Variants in PRR27 observed in about 807,000 individuals in gnomAD.
PRR27 encodes proline-rich protein 27.
PRR27 carries 12 observed loss-of-function variants against 16.8 expected under a neutral mutation model. That is an observed-to-expected ratio of 0.71 (90% CI 0.46 to 1.16). The LOEUF (loss-of-function observed/expected upper bound fraction) is 1.16, where lower values mean the gene tolerates loss of function less well. PRR27 is among the 50% of genes most tolerant of loss of function. The probability of loss-of-function intolerance (pLI) is 0.00; values close to 1 mark genes in which losing one functional copy is unlikely to be tolerated. For missense variants in PRR27, 277 were observed against 273.3 expected, an observed-to-expected ratio of 1.01 and a Z score of -0.10; for synonymous variants, 100 against 98.4, an observed-to-expected ratio of 1.02 and a Z score of -0.10.
chr4:70,154,312 A>G lies in PRR27; in HGVS notation c.-64A>G. ...CTAAAAGAAGAAAAATATAATTTAA[A>G]AATACATTGCGTATTTTCTAAAACA... On this transcript the variant is annotated 5_prime_UTR_variant, in exon 1 of 5. Transcript: ENST00000344526. 7.7e-7 allele frequency: 1 copy of G among 1,302,092 alleles called. No individual in the cohort carries two copies. 80.7% of individuals were successfully genotyped at this position (1,302,092 alleles called of 1,614,324 possible).
At chr4:70,155,762 A>T (rs1728462457) in intron 1 of PRR27, among the ~76,000 whole-genome samples, 1 of 152,148 alleles carries the variant, frequency 6.6e-6, no homozygotes, top group African/African-American at 2.4e-5. Context: ...AATCAGATAT[A>T]TGAATGAGAG....
At position 70,158,876 on chromosome 4, in the gene PRR27, T is replaced by C. The variant is rs1728565376; in HGVS notation, c.624T>C (p.Pro208=). The C allele has an allele frequency of 6.2e-7, 1 of 1,603,628 alleles. No homozygotes were observed. The change falls in exon 3 of 5, where the codon CCT becomes CCC. Residue 208 remains proline (P), a synonymous_variant. Transcript: ENST00000344526. ...CAGCCAAGCCTGCTGCCCCAGAACC[T>C]CACCCTTCTCCCTCTCTTGAACAGG... ...PATAKPAAPE[P]HPSPSLEQAN...
chr4:70,161,179 T>TATATATATATACAC (rs527588905), intron 3 of PRR27, among the ~76,000 whole-genome samples: 4 of 107,702 alleles, frequency 3.7e-5, no homozygotes, highest in South Asian at 2.9e-4. Flanking sequence ...TATATATATA[T>TATATATATATACAC]ACACACATAC....
chr4:70,165,447 T>G lies in PRR27; in HGVS notation c.*2786T>G, dbSNP rs1018373853. 19 of 152,126 alleles carry G rather than the reference T, an allele frequency of 1.2e-4. No homozygotes were observed. The highest frequency in any genetic ancestry group is 4.6e-4 in the African/African-American group (19 of 41,454). 9.4% of individuals were successfully genotyped at this position (152,126 alleles called of 1,614,324 possible). On this transcript the variant is annotated 3_prime_UTR_variant, in exon 5 of 5. Coordinates refer to ENST00000344526, the MANE Select transcript of PRR27 (RefSeq NM_214711.4). ...ACTGCATGTATTGTTTAATGTCGCT[T>G]TATGAATCCACCTTCTTCCTTATCT...
chr4:70,154,274 C>G lies in PRR27; in HGVS notation c.-102C>G, dbSNP rs1728426356. 1.0e-6 allele frequency: 1 copy of G among 992,436 alleles called. No homozygotes were observed. Among genetic ancestry groups the G allele is most frequent in the Non-Finnish European group, 1.5e-6 (1 of 655,820 alleles). 61.5% of individuals were successfully genotyped at this position (992,436 alleles called of 1,614,324 possible). A position where few individuals can be genotyped will look rare whatever the true frequency, so the allele number is the denominator to read the frequency against. On this transcript the variant is annotated 5_prime_UTR_variant, in exon 1 of 5. Coordinates refer to ENST00000344526, the MANE Select transcript of PRR27 (RefSeq NM_214711.4). ...AGACAGACTAAAAAAGCCATGTATT[C>G]TTTCGTTTCTCTCTAAAAGAAGAAA...
At chr4:70,160,474 T>TGTG (rs1553902854) in intron 3 of PRR27, among the ~76,000 whole-genome samples, 2 of 149,780 alleles carry the variant, frequency 1.3e-5, no homozygotes, top group Admixed American at 6.7e-5. Context: ...TGTGTGTGTG[T>TGTG]TTTCCCTTGC....
chr4:70,155,400 C>T (rs1728451758), intron 1 of PRR27, among the ~76,000 whole-genome samples: 1 of 150,724 alleles, frequency 6.6e-6, no homozygotes, highest in Admixed American at 6.6e-5. Flanking sequence ...GAGTCTCGCT[C>T]TGTAGCCAGG....
chr4:70,154,284 T>G lies in PRR27; in HGVS notation c.-92T>G. On this transcript the variant is annotated 5_prime_UTR_variant, in exon 1 of 5. Coordinates refer to ENST00000344526, the MANE Select transcript of PRR27 (RefSeq NM_214711.4). Reference sequence around the variant, plus strand: ...AAAAAGCCATGTATTCTTTCGTTTCTCTCTAAAAGAAGAAAAATATAATTT... The same window carrying G: ...AAAAAGCCATGTATTCTTTCGTTTCGCTCTAAAAGAAGAAAAATATAATTT... The G allele has an allele frequency of 9.1e-7, 1 of 1,095,208 alleles. No homozygotes were observed. The highest frequency in any genetic ancestry group is 1.4e-5 in the South Asian group (1 of 71,690). 67.8% of individuals were successfully genotyped at this position (1,095,208 alleles called of 1,614,324 possible). A position where few individuals can be genotyped will look rare whatever the true frequency, so the allele number is the denominator to read the frequency against.
In PRR27 at chr4:70,158,868, C is replaced by G; in HGVS notation, c.616C>G (p.Pro206Ala). 1 of 1,613,986 alleles carries G rather than the reference C, an allele frequency of 6.2e-7. No individual in the cohort carries two copies. The highest frequency in any genetic ancestry group is 8.5e-7 in the Non-Finnish European group (1 of 1,179,974). Residue 206 changes from proline (P) to alanine (A), a missense_variant, in exon 3 of 5, where the codon CCA becomes GCA. Pro to Ala is a conservative substitution (Grantham distance 27). Transcript: ENST00000344526. ...AEPATAKPAA[P>A]EPHPSPSLEQ... ...GCCTGCTACAGCCAAGCCTGCTGCCCCAGAACCTCACCCTTCTCCCTCTCT... is the reference window on the plus strand; with the variant it reads ...GCCTGCTACAGCCAAGCCTGCTGCCGCAGAACCTCACCCTTCTCCCTCTCT...
In PRR27 at chr4:70,160,443, C is replaced by CTCTCTCTCTCTGTGTGTGTGTGTG. The variant is rs1298386504; in HGVS notation, c.649-1142_649-1141insCTCTCTCTCTGTGTGTGTGTGTGT. 3.7e-3 allele frequency among the ~76,000 whole-genome samples: 252 copies of CTCTCTCTCTCTGTGTGTGTGTGTG among 68,654 alleles called. 1 individual carries two copies. The highest frequency in any genetic ancestry group is 0.014 in the Middle Eastern group (1 of 72). The allele number at this position is 68,654 out of a possible 152,430, so 45.0% of individuals were successfully genotyped here. ...TCTCTCTCTCTCTCTCTCTCTCTCT[C>CTCTCTCTCTCTGTGTGTGTGTGTG]TGTGTGTGTGTGTGTGTGTGTGTGT... On this transcript the variant is annotated intron_variant, in intron 3 of 4. Transcript: ENST00000344526.
intron 1 of PRR27, 28 bp downstream of exon 1, chr4:70,154,454 A>G: frequency 6.4e-7 from 1 of 1,551,300 alleles, no homozygotes; most frequent in South Asian, 1.1e-5. Flanking sequence ...CAAAATTGTA[A>G]CAATTGTATA....
intron 3 of PRR27, among the ~76,000 whole-genome samples, chr4:70,160,443 C>CTCTCTCTCTCTCTCTCTGTGTGTG (rs1298386504): frequency 2.2e-4 from 15 of 68,702 alleles, no homozygotes; most frequent in Non-Finnish European, 3.0e-4. Flanking sequence ...CTCTCTCTCT[C>CTCTCTCTCTCTCTCTCTGTGTGTG]TGTGTGTGTG....
chr4:70,161,277 A>G (rs1438891658), intron 3 of PRR27, among the ~76,000 whole-genome samples: 1 of 148,954 alleles, frequency 6.7e-6, no homozygotes, highest in African/African-American at 2.5e-5. Flanking sequence ...GAAATGATAG[A>G]AAGTGAAGAT....
At position 70,163,872 on chromosome 4, in the gene PRR27, C is replaced by T. The variant is rs1728701426; in HGVS notation, c.*1211C>T. 6.7e-6 allele frequency: 1 copy of T among 150,202 alleles called. No homozygotes were observed. The highest frequency in any genetic ancestry group is 2.4e-5 in the African/African-American group (1 of 41,016). 9.3% of individuals were successfully genotyped at this position (150,202 alleles called of 1,614,324 possible). A position where few individuals can be genotyped will look rare whatever the true frequency, so the allele number is the denominator to read the frequency against. On this transcript the variant is annotated 3_prime_UTR_variant, in exon 5 of 5. Coordinates refer to ENST00000344526, the MANE Select transcript of PRR27 (RefSeq NM_214711.4). ...TCATTCTCCATCTTGCCCCATGCTC[C>T]TCATGCAGCAGCTTTTTTTTTTTTT...
At chr4:70,158,969 C>T in intron 3 of PRR27, 69 bp downstream of exon 3, 1 of 1,285,986 alleles carries the variant, frequency 7.8e-7, no homozygotes, top group East Asian at 2.3e-5. Flanking sequence ...AAAAAAAAAA[C>T]CACTCCCCAA....
At chr4:70,160,437 C>CTGTGTGTGTGTGTGTGTGTG (rs1413873981) in intron 3 of PRR27, among the ~76,000 whole-genome samples, 3 of 77,982 alleles carry the variant, frequency 3.8e-5, no homozygotes, top group South Asian at 5.9e-4. Context: ...CTCTCTCTCT[C>CTGTGTGTGTGTGTGTGTGTG]TCTCTCTGTG....
rs568184867 is a variant in PRR27, at chr4:70,158,575, G to A, written c.323G>A (p.Gly108Asp). 3.7e-6 allele frequency: 6 copies of A among 1,614,076 alleles called. No homozygotes were observed. In the African/African-American group the frequency reaches 4.0e-5, roughly 11 times the overall value. Residue 108 changes from glycine (G) to aspartate (D), a missense_variant, in exon 3 of 5, where the codon GGT (glycine) becomes GAT (aspartate). Gly to Asp is a moderately conservative substitution (Grantham distance 94, BLOSUM62 -1). Transcript: ENST00000344526. ...QLNVPPLPPR[G>D]FPFVPPSRFF... Reference sequence around the variant, plus strand: ...AATGTTCCTCCTCTCCCTCCTAGGGGTTTCCCGTTTGTCCCTCCTTCAAGG... The same window carrying A: ...AATGTTCCTCCTCTCCCTCCTAGGGATTTCCCGTTTGTCCCTCCTTCAAGG...
At chr4:70,157,667 C>T (rs1449305262) in intron 2 of PRR27, among the ~76,000 whole-genome samples, 5 of 151,878 alleles carry the variant, frequency 3.3e-5, no homozygotes, top group East Asian at 1.9e-4. Context: ...TACAGGCGCC[C>T]GCCACCACGC....
At position 70,158,808 on chromosome 4, in the gene PRR27, G is replaced by T; in HGVS notation, c.556G>T (p.Val186Leu). 1 of 1,613,866 alleles carries T rather than the reference G, an allele frequency of 6.2e-7. No homozygotes were observed. Among genetic ancestry groups the T allele is most frequent in the Non-Finnish European group, 8.5e-7 (1 of 1,179,880 alleles). ...GCCTGCTGCAGAGGCACCTGTTGGAGTGGAGCCAGCTGCAGAGGAACCTTC... is the reference window on the plus strand; with the variant it reads ...GCCTGCTGCAGAGGCACCTGTTGGATTGGAGCCAGCTGCAGAGGAACCTTC... ...AEPAAEAPVG[V>L]EPAAEEPSPA... The change falls in exon 3 of 5, where the codon GTG becomes TTG. Residue 186 changes from valine to leucine, a missense_variant. Val to Leu is a conservative substitution (Grantham distance 32). Transcript: ENST00000344526.
Sources: gnomAD v4.1 joint callset for allele counts (sites outside exome capture counted in the v4.1 genomes callset) on GRCh38, gnomAD v4.1.1 for gene constraint, MANE v1.5 for transcripts, NCBI Gene and HGNC (gene_info 2026-07-23, HGNC 2026-07-21) for gene names.